PDE3B: variants seen among roughly 807,000 people sequenced by gnomAD.
PDE3B encodes the protein cGMP-inhibited 3',5'-cyclic phosphodiesterase 3B.
PDE3B carries 66 observed loss-of-function variants against 116.8 expected under a neutral mutation model. The observed-to-expected ratio is 0.56, with a 90% CI of 0.46 to 0.69. PDE3B has a LOEUF of 0.69. Ranked by LOEUF, PDE3B falls within the 30% of genes least tolerant of loss-of-function variation. PDE3B has a pLI of 0.00. For missense variants in PDE3B, 1,384 were observed against 1,368.1 expected (o/e 1.01, Z -0.18); for synonymous variants, 595 against 533.6 (o/e 1.12, Z -1.59).
chr11:14,759,387 A>T (rs1291448119), intron 1 of PDE3B, among the ~76,000 whole-genome samples: 1 of 152,054 alleles, frequency 6.6e-6, no homozygotes, highest in African/African-American at 2.4e-5. Context: ...TTTAAAGTAC[A>T]TTCTTTATCT....
At position 14,786,586 on chromosome 11, in the gene PDE3B, C is replaced by A; in HGVS notation, c.1179C>A (p.Ser393=). 1 of 1,613,086 alleles carries A rather than the reference C, an allele frequency of 6.2e-7. No individual in the cohort carries two copies. The highest frequency in any genetic ancestry group is 1.1e-5 in the South Asian group (1 of 91,058). ...GCTTAATGGGTGCTTTCTCAGGTTC[C>A]TGTAGGCCAAAGATTAATCCTCTCA... ...ISSLMGAFSG[S]CRPKINPLTP... Residue 393 remains serine (S), a synonymous_variant, in exon 3 of 16, where the codon TCC becomes TCA. Transcript: ENST00000282096.
chr11:14,690,222 G>A (rs1240330315), intron 1 of PDE3B, among the ~76,000 whole-genome samples: 39 of 152,072 alleles, frequency 2.6e-4, no homozygotes, highest in Admixed American at 2.6e-3. Context: ...AGCTAGTCTG[G>A]GAAAAATTCT....
the PDE3B span, chr11:14,887,411 T>TACCCA: frequency 5.7e-6 from 1 of 176,174 alleles, no homozygotes; most frequent in African/African-American, 2.4e-5. Context: ...AAATTTTTAC[T>TACCCA]TGAACTAGTA....
chr11:14,791,672 A>G (rs2133921438), intron 4 of PDE3B, among the ~76,000 whole-genome samples: 1 of 152,180 alleles, frequency 6.6e-6, no homozygotes, highest in South Asian at 2.1e-4. Context: ...AGTTTCCAGT[A>G]TCCTTCTTGA....
rs1853339747 is a variant in PDE3B, at chr11:14,644,860, G to T, written c.785G>T (p.Gly262Val). The change falls in exon 1 of 16, where the codon GGG becomes GTG. Residue 262 changes from glycine to valine, a missense_variant. This residue lies in a region of PDE3B where 956 missense variants were observed against 806.8 expected (regional missense o/e 1.18). Coordinates refer to ENST00000282096, the MANE Select transcript of PDE3B (RefSeq NM_000922.4). ...GGCGCTGGCTGCCTGCTGGCCCTGG[G>T]GTTGGATCACTTCTTTCAAATCAGG... ...VGGAGCLLAL[G>V]LDHFFQIREA... 1 of 1,613,698 alleles carries T rather than the reference G, an allele frequency of 6.2e-7. No individual in the cohort carries two copies. The highest frequency in any genetic ancestry group is 1.7e-5 in the Admixed American group (1 of 59,944).
chr11:14,833,336 G>GT (rs1170467372), intron 10 of PDE3B, among the ~76,000 whole-genome samples: 1 of 152,028 alleles, frequency 6.6e-6, no homozygotes, highest in Non-Finnish European at 1.5e-5. Context: ...CATTTTGTCT[G>GT]TTTTTTGTTA....
intron 5 of PDE3B, among the ~76,000 whole-genome samples, chr11:14,807,456 T>C (rs1858975556): frequency 2.0e-5 from 3 of 152,124 alleles, no homozygotes; most frequent in Middle Eastern, 3.4e-3. Context: ...AAGATGAACA[T>C]TGTAGTATTC....
At chr11:14,773,861 C>T (rs1426711168) in intron 2 of PDE3B, 1 of 152,102 alleles carries the variant, frequency 6.6e-6, no homozygotes, top group Non-Finnish European at 1.5e-5. Context: ...TGGCAAATAC[C>T]TTTAGAGGAA....
intron 4 of PDE3B, among the ~76,000 whole-genome samples, chr11:14,797,620 G>T (rs960129655): frequency 4.6e-5 from 7 of 152,070 alleles, no homozygotes; most frequent in African/African-American, 1.7e-4. Context: ...GTAGTTTGTA[G>T]TTCTCCTTGA....
At chr11:14,869,419 C>G (rs782447545) in intron 15 of PDE3B, 42 bp from the exon 16 acceptor site, 36 of 1,533,112 alleles carry the variant, frequency 2.3e-5, no homozygotes, top group Non-Finnish European at 3.0e-5. Flanking sequence ...ATGATTAAAT[C>G]ATATTGCTAT....
chr11:14,715,510 G>C (rs998238694), intron 1 of PDE3B, among the ~76,000 whole-genome samples: 13 of 152,026 alleles, frequency 8.6e-5, no homozygotes, highest in Admixed American at 2.6e-4. Context: ...GTATTTTATT[G>C]TCTTTGAAGC....
intron 1 of PDE3B, among the ~76,000 whole-genome samples, chr11:14,677,436 T>C (rs961343433): frequency 1.3e-5 from 2 of 152,256 alleles, no homozygotes; most frequent in African/African-American, 4.8e-5. Context: ...TGTAATGATA[T>C]CTTTCTATGT....
At chr11:14,745,936 CAT>C (rs1169118316) in intron 1 of PDE3B, among the ~76,000 whole-genome samples, 2 of 152,200 alleles carry the variant, frequency 1.3e-5, no homozygotes, top group African/African-American at 4.8e-5. Flanking sequence ...TCCCTAATAA[CAT>C]AGCATCCATG....
the PDE3B span, among the ~76,000 whole-genome samples, chr11:14,883,381 A>T: frequency 6.6e-6 from 1 of 152,224 alleles, no homozygotes; most frequent in Non-Finnish European, 1.5e-5. Context: ...ATAATGCCGC[A>T]TATCTACAAC....
intron 1 of PDE3B, among the ~76,000 whole-genome samples, chr11:14,669,800 A>C (rs1337966480): frequency 6.6e-6 from 1 of 152,138 alleles, no homozygotes; most frequent in Admixed American, 6.6e-5. Context: ...AGGAAGAATC[A>C]TGTAAACAAA....
intron 1 of PDE3B, among the ~76,000 whole-genome samples, chr11:14,658,902 T>A (rs1853801550): frequency 1.3e-5 from 2 of 152,218 alleles, no homozygotes. Context: ...CCCTGGTGCT[T>A]GGCATATATC....
chr11:14,832,928 T>C (rs1020758924), intron 10 of PDE3B, 95 bp downstream of exon 10: 1 of 610,446 alleles, frequency 1.6e-6, no homozygotes, highest in Middle Eastern at 2.8e-4. Context: ...TAAACACTTT[T>C]AAAACTGCTT....
the PDE3B span, chr11:14,879,450 G>C: frequency 6.3e-7 from 1 of 1,592,524 alleles, no homozygotes; most frequent in African/African-American, 1.3e-5. Flanking sequence ...TGTCCTGTCA[G>C]AGAAAAAGTA....
At chr11:14,880,371 A>G in the PDE3B span, 1 of 1,613,392 alleles carries the variant, frequency 6.2e-7, no homozygotes. Flanking sequence ...TGGAGAGAAA[A>G]TCATAGACTA....
Sources: allele counts gnomAD v4.1 joint callset (sites outside exome capture counted in the v4.1 genomes callset), GRCh38; gene constraint gnomAD v4.1.1; regional missense constraint gnomAD v4.1.1; transcripts MANE v1.5; gene names NCBI Gene and HGNC (gene_info 2026-07-23, HGNC 2026-07-21).